The following SEZ6L variants were observed in gnomAD, a reference collection of about 807,000 sequenced individuals.
The protein encoded by SEZ6L is seizure 6-like protein.
SEZ6L carries 37 observed loss-of-function variants against 106.2 expected under a neutral mutation model. That is an observed-to-expected ratio of 0.35 (90% CI 0.27 to 0.46). The LOEUF is 0.46. Among genes scored for constraint, SEZ6L ranks in the 20% least tolerant of loss-of-function variants. The pLI is 1.00. For synonymous variants in SEZ6L, 541 were observed against 570.4 expected (o/e 0.95, Z 0.73); for missense variants, 1,172 against 1,332.8 (o/e 0.88, Z 1.88).
At chr22:26,198,850 A>G (rs1940750393) in intron 1 of SEZ6L, among the ~76,000 whole-genome samples, 1 of 152,208 alleles carries the variant, frequency 6.6e-6, no homozygotes, top group Non-Finnish European at 1.5e-5. Flanking sequence ...TGTCTTTAAT[A>G]ACAAAATCTT....
intron 9 of SEZ6L, among the ~76,000 whole-genome samples, chr22:26,338,855 CTT>C (rs758792495): frequency 2.1e-5 from 2 of 93,374 alleles, no homozygotes; most frequent in African/African-American, 4.1e-5. Context: ...CACGCCCGGA[CTT>C]TTTTTTTTTC....
intron 1 of SEZ6L, among the ~76,000 whole-genome samples, chr22:26,258,233 T>C (rs932363830): frequency 6.6e-6 from 1 of 152,108 alleles, no homozygotes; most frequent in Non-Finnish European, 1.5e-5. Flanking sequence ...ATTCAACAGG[T>C]GCTCCCCGAG....
At chr22:26,266,913 G>A (rs1009497411) in intron 1 of SEZ6L, among the ~76,000 whole-genome samples, 1 of 152,134 alleles carries the variant, frequency 6.6e-6, no homozygotes, top group Non-Finnish European at 1.5e-5. Context: ...TATGGGGGAA[G>A]AAGCACCTAT....
At chr22:26,286,189 G>A (rs934924084) in intron 1 of SEZ6L, among the ~76,000 whole-genome samples, 1 of 152,158 alleles carries the variant, frequency 6.6e-6, no homozygotes, top group African/African-American at 2.4e-5. Context: ...ACTGTAAATA[G>A]TGCCATGAGG....
chr22:26,296,805 TC>T, intron 3 of SEZ6L, 82 bp from the exon 4 acceptor site: 1 of 1,280,218 alleles, frequency 7.8e-7, no homozygotes, highest in Non-Finnish European at 1.0e-6. Flanking sequence ...GGGCCACTTT[TC>T]ACTGACTTCT....
intron 1 of SEZ6L, among the ~76,000 whole-genome samples, chr22:26,230,197 A>C (rs1430966086): frequency 6.6e-6 from 1 of 152,152 alleles, no homozygotes; most frequent in East Asian, 1.9e-4. Context: ...TGTTTCATGA[A>C]ACCCAGAGGC....
chr22:26,297,597 C>T (rs765077314), intron 4 of SEZ6L, among the ~76,000 whole-genome samples: 1 of 152,148 alleles, frequency 6.6e-6, no homozygotes, highest in Admixed American at 6.5e-5. Context: ...ATCCACTGTG[C>T]GTCCACAGAC....
chr22:26,180,004 G>A (rs564757425), intron 1 of SEZ6L, among the ~76,000 whole-genome samples: 9 of 152,292 alleles, frequency 5.9e-5, no homozygotes, highest in African/African-American at 2.2e-4. Flanking sequence ...GCTATGTGTG[G>A]CTCATGGCCG....
chr22:26,259,569 G>T (rs889805601), intron 1 of SEZ6L, among the ~76,000 whole-genome samples: 2 of 152,156 alleles, frequency 1.3e-5, no homozygotes, highest in Admixed American at 6.5e-5. Context: ...GAATAAAGGG[G>T]TCAGGAGGGC....
chr22:26,208,846 CTCTCTGTGTGTGTGTGTGTGTG>C (rs1200832708), intron 1 of SEZ6L, among the ~76,000 whole-genome samples: 3 of 118,110 alleles, frequency 2.5e-5, no homozygotes, highest in Non-Finnish European at 5.0e-5. Context: ...TCTTGACTCT[CTCTCTGTGTGTGTGTGTGTGTG>C]TGTGTGTGTG....
At chr22:26,276,795 G>A (rs2080559659) in intron 1 of SEZ6L, among the ~76,000 whole-genome samples, 1 of 152,218 alleles carries the variant, frequency 6.6e-6, no homozygotes, top group Admixed American at 6.5e-5. Context: ...AGGGGAGGTG[G>A]TTATGAAGGA....
chr22:26,209,736 A>G, intron 1 of SEZ6L, among the ~76,000 whole-genome samples: 2 of 134,208 alleles, frequency 1.5e-5, no homozygotes, highest in East Asian at 2.4e-4. Flanking sequence ...AAGGAAGGAG[A>G]GAGGGAGAGA....
intron 16 of SEZ6L, 113 bp downstream of exon 16, chr22:26,377,888 T>C: frequency 1.3e-6 from 1 of 762,198 alleles, no homozygotes; most frequent in East Asian, 2.8e-5. Flanking sequence ...CAGCCAGTGG[T>C]CCTGTCTTAT....
At chr22:26,212,831 G>A (rs2078199486) in intron 1 of SEZ6L, among the ~76,000 whole-genome samples, 1 of 152,144 alleles carries the variant, frequency 6.6e-6, no homozygotes, top group Non-Finnish European at 1.5e-5. Context: ...TGTGGTCCCT[G>A]GAGAATAAGA....
rs542669159 is a variant in SEZ6L at position 26,289,569 on chromosome 22, C to T, written c.95-2837C>T. 2.0e-5 allele frequency among the ~76,000 whole-genome samples: 3 copies of T among 152,322 alleles called. No individual in the cohort carries two copies. In the South Asian group the frequency reaches 6.2e-4, roughly 32 times the overall value. On this transcript the variant is annotated intron_variant, in intron 1 of 16. Coordinates refer to ENST00000248933, the MANE Select transcript of SEZ6L (RefSeq NM_021115.5). Reference sequence around the variant, plus strand: ...TGCCTGATGCCTGAATGACCTTGACCTGCCCTCATGCCATCCACTCACGCT... The same window carrying T: ...TGCCTGATGCCTGAATGACCTTGACTTGCCCTCATGCCATCCACTCACGCT...
At chr22:26,325,926 A>C (rs930679117) in intron 9 of SEZ6L, among the ~76,000 whole-genome samples, 12 of 110,400 alleles carry the variant, frequency 1.1e-4, no homozygotes, top group East Asian at 2.1e-4. Context: ...GATCACACAC[A>C]CCACACACAC....
intron 1 of SEZ6L, among the ~76,000 whole-genome samples, chr22:26,265,342 C>T (rs182553512): frequency 2.0e-5 from 3 of 152,254 alleles, no homozygotes; most frequent in East Asian, 1.9e-4. Flanking sequence ...CAGAACCTCC[C>T]GCACGCAAGT....
At chr22:26,335,166 GA>G (rs920149023) in intron 9 of SEZ6L, among the ~76,000 whole-genome samples, 2 of 152,124 alleles carry the variant, frequency 1.3e-5, no homozygotes, top group African/African-American at 4.8e-5. Context: ...GCATTGAGGG[GA>G]AAAAACTAAA....
At position 26,299,230 on chromosome 22, in the gene SEZ6L, C is replaced by T. The variant is rs553414146; in HGVS notation, c.1348+61C>T. 4,128 of 1,268,652 alleles carry T rather than the reference C, an allele frequency of 3.3e-3. 13 individuals are homozygous for T. The highest frequency in any genetic ancestry group is 3.9e-3 in the Non-Finnish European group (3,868 of 991,736). 78.6% of individuals were successfully genotyped at this position (1,268,652 alleles called of 1,614,324 possible). Reference sequence around the variant, plus strand: ...TCCAACTAAGAGGGGAAAGACCAACCTGTAGGACACCGAGAGTGACCTCAG... The same window carrying T: ...TCCAACTAAGAGGGGAAAGACCAACTTGTAGGACACCGAGAGTGACCTCAG... On this transcript the variant is annotated intron_variant, in intron 5 of 16. Transcript: ENST00000248933.
Sources: allele counts gnomAD v4.1 joint callset (sites outside exome capture counted in the v4.1 genomes callset), GRCh38; gene constraint gnomAD v4.1.1; transcripts MANE v1.5; gene names NCBI Gene and HGNC (gene_info 2026-07-23, HGNC 2026-07-21).